Variants in PDE4D observed in about 807,000 individuals in gnomAD.
PDE4D encodes the protein phosphodiesterase 4D.
A neutral mutation model predicts 87.4 loss-of-function variants in PDE4D; 24 were observed. That is an observed-to-expected ratio of 0.27 (90% confidence interval 0.20 to 0.39). The LOEUF (loss-of-function observed/expected upper bound fraction) is 0.39. PDE4D is among the 10% of genes least tolerant of loss of function. The pLI, the probability that PDE4D is intolerant of heterozygous loss-of-function variation, is 1.00. For missense variants in PDE4D, 714 were observed against 1,041.0 expected (o/e 0.69, Z 4.32); for synonymous variants, 384 against 383.2 (o/e 1.00, Z -0.02).
intron 1 of PDE4D, among the ~76,000 whole-genome samples, chr5:59,258,026 A>G (rs1195852619): frequency 6.6e-6 from 1 of 151,986 alleles, no homozygotes; most frequent in Non-Finnish European, 1.5e-5. Context: ...CTGGAAATCT[A>G]TACATGAGTG....
chr5:59,288,435 G>A (rs188895445), intron 1 of PDE4D, among the ~76,000 whole-genome samples: 71 of 151,790 alleles, frequency 4.7e-4, no homozygotes, highest in African/African-American at 1.5e-3. Context: ...AAAAGAAAGA[G>A]GCATTCCTAG....
chr5:59,031,901 CAG>C (rs1191413566), intron 6 of PDE4D, among the ~76,000 whole-genome samples: 1 of 151,632 alleles, frequency 6.6e-6, no homozygotes, highest in Admixed American at 6.6e-5. Flanking sequence ...ATCTCAGAAA[CAG>C]AGAGTAGAAA....
intron 1 of PDE4D, among the ~76,000 whole-genome samples, chr5:60,236,785 T>A (rs993352040): frequency 1.3e-4 from 19 of 151,892 alleles, no homozygotes; most frequent in Admixed American, 1.2e-3. Flanking sequence ...AGGGGAGCCA[T>A]GAGCCGAGGA....
At chr5:60,184,598 T>C (rs57996583) in intron 2 of PDE4D, among the ~76,000 whole-genome samples, 1 of 152,228 alleles carries the variant, frequency 6.6e-6, no homozygotes, top group African/African-American at 2.4e-5. Context: ...TCTCAGCATA[T>C]CCTCATTTTT....
intron 1 of PDE4D, among the ~76,000 whole-genome samples, chr5:59,855,940 C>G (rs1014456207): frequency 1.3e-5 from 2 of 151,940 alleles, no homozygotes; most frequent in African/African-American, 2.4e-5. Flanking sequence ...ATCTTTTTTT[C>G]TGGTTTGTTC....
At chr5:59,750,022 C>T (rs2150719505) in intron 1 of PDE4D, among the ~76,000 whole-genome samples, 1 of 151,528 alleles carries the variant, frequency 6.6e-6, no homozygotes, top group Non-Finnish European at 1.5e-5. Context: ...TCTCACTCTT[C>T]ACATCCAATG....
intron 1 of PDE4D, among the ~76,000 whole-genome samples, chr5:59,295,244 A>C (rs1269431773): frequency 2.6e-5 from 4 of 152,202 alleles, no homozygotes; most frequent in African/African-American, 9.7e-5. Flanking sequence ...CTTTTCTAAT[A>C]ATCTTCAATT....
chr5:59,640,173 G>A (rs572558171), intron 1 of PDE4D, among the ~76,000 whole-genome samples: 1 of 152,194 alleles, frequency 6.6e-6, no homozygotes, highest in South Asian at 2.1e-4. Flanking sequence ...TAAGATATTT[G>A]ATTTTTACCA....
intron 1 of PDE4D, among the ~76,000 whole-genome samples, chr5:59,710,230 A>C (rs1754013213): frequency 6.6e-6 from 1 of 152,198 alleles, no homozygotes; most frequent in Admixed American, 6.6e-5. Context: ...TTTTCAGCTG[A>C]GTTTTATACA....
intron 1 of PDE4D, among the ~76,000 whole-genome samples, chr5:59,291,198 C>T (rs1581791645): frequency 1.3e-5 from 2 of 151,738 alleles, no homozygotes; most frequent in Admixed American, 6.6e-5. Flanking sequence ...TATCAACAGG[C>T]AAATAGATAA....
chr5:60,422,180 G>A (rs1178911203), intron 1 of PDE4D, among the ~76,000 whole-genome samples: 2 of 152,070 alleles, frequency 1.3e-5, no homozygotes, highest in Non-Finnish European at 2.9e-5. Context: ...TTCAAATTCA[G>A]GAAATACAGA....
chr5:60,434,180 G>A (rs1744582383), intron 1 of PDE4D, among the ~76,000 whole-genome samples: 1 of 152,100 alleles, frequency 6.6e-6, no homozygotes, highest in Admixed American at 6.5e-5. Context: ...AAATAAATAG[G>A]ATTTGCTATG....
In PDE4D at chr5:60,314,382, G is replaced by C. The variant is rs138510821; in HGVS notation, c.-89-128695C>G. On this transcript the variant is annotated intron_variant, in intron 1 of 16. Coordinates refer to the PDE4D transcript ENST00000502484. ...GGGTTTCACCATGTTGCCCAGGCTG[G>C]TCTCGAACTCCTGAGATCAGGCAAT... Among the ~76,000 whole-genome samples the C allele has an allele frequency of 3.2e-3, 491 of 152,110 alleles. 4 individuals carry two copies. Among genetic ancestry groups the C allele is most frequent in the African/African-American group, 0.011 (462 of 41,504 alleles).
intron 1 of PDE4D, among the ~76,000 whole-genome samples, chr5:59,690,138 C>T (rs539532197): frequency 2.6e-5 from 4 of 152,260 alleles, no homozygotes; most frequent in East Asian, 3.9e-4. Context: ...AATGGCCACA[C>T]TGCCCAAGGT....
At chr5:59,548,598 C>T (rs1458938110) in intron 1 of PDE4D, among the ~76,000 whole-genome samples, 1 of 152,034 alleles carries the variant, frequency 6.6e-6, no homozygotes. Flanking sequence ...GCTACATGTG[C>T]TACAGAGAAA....
chr5:59,093,994 C>T (rs772146189), intron 5 of PDE4D, among the ~76,000 whole-genome samples: 13 of 151,746 alleles, frequency 8.6e-5, no homozygotes, highest in South Asian at 4.2e-4. Flanking sequence ...CTGAGGTGGG[C>T]GGATCATGAG....
Position 59,688,477 on chromosome 5 carries a change from C to A in PDE4D, c.455+204691G>T, listed in dbSNP as rs1235822083. Among the ~76,000 whole-genome samples, 3 of 152,020 alleles carry A rather than the reference C, an allele frequency of 2.0e-5. No homozygotes were observed. In the East Asian group the frequency reaches 5.8e-4, roughly 29 times the overall value. On this transcript the variant is annotated intron_variant, in intron 1 of 14. Coordinates refer to ENST00000340635, the MANE Select transcript of PDE4D (RefSeq NM_001104631.2). ...CCTGCTCCTGAATGACTACTGGGTA[C>A]ATAACGAAATGAAGGCAGAAATAAA...
intron 1 of PDE4D, among the ~76,000 whole-genome samples, chr5:59,472,184 C>T (rs1027345474): frequency 2.0e-5 from 3 of 152,166 alleles, no homozygotes; most frequent in Non-Finnish European, 4.4e-5. Context: ...TTAGCCAGTT[C>T]AACTACAAAG....
intron 1 of PDE4D, among the ~76,000 whole-genome samples, chr5:60,370,709 T>C (rs957245798): frequency 1.7e-4 from 26 of 152,082 alleles, no homozygotes; most frequent in Non-Finnish European, 2.9e-5. Context: ...GATACCCAGA[T>C]AGTGATTAGT....
Sources: allele counts gnomAD v4.1 joint callset (sites outside exome capture counted in the v4.1 genomes callset), GRCh38; gene constraint gnomAD v4.1.1; transcripts MANE v1.5; gene names NCBI Gene and HGNC (gene_info 2026-07-23, HGNC 2026-07-21).